The following BLTP1 variants were observed in gnomAD, a reference collection of about 807,000 sequenced individuals.
BLTP1 encodes the protein fragile site-associated protein.
the BLTP1 span, chr4:122,224,734 C>T: frequency 6.2e-7 from 1 of 1,612,754 alleles, no homozygotes. Context: ...TCTCTACCCA[C>T]CTTCTCAAGA....
chr4:122,152,457 C>T, the BLTP1 span: 2 of 985,588 alleles, frequency 2.0e-6, no homozygotes, highest in Admixed American at 6.1e-5. Flanking sequence ...GTGTGGGCAC[C>T]GGCAGAGCTT....
the BLTP1 span, chr4:122,221,036 C>G: frequency 2.1e-6 from 2 of 965,824 alleles, no homozygotes; most frequent in Non-Finnish European, 2.5e-6. Context: ...AAATGGCTTT[C>G]TGTGGCAACT....
chr4:122,330,013 A>G, the BLTP1 span, among the ~76,000 whole-genome samples: 1 of 151,806 alleles, frequency 6.6e-6, no homozygotes, highest in African/African-American at 2.4e-5. Context: ...TTCATGTAGC[A>G]TAATGTCCTC....
the BLTP1 span, chr4:122,231,767 A>C: frequency 3.1e-6 from 3 of 974,764 alleles, no homozygotes; most frequent in Non-Finnish European, 3.7e-6. Flanking sequence ...ATAAATCGAC[A>C]TATTCATTTC....
chr4:122,243,115 A>T, the BLTP1 span: 1 of 1,550,428 alleles, frequency 6.4e-7, no homozygotes, highest in Non-Finnish European at 8.9e-7. Flanking sequence ...TGATTATGAG[A>T]TGGGTAGAGT....
At chr4:122,353,912 A>T in the BLTP1 span, 2 of 1,613,998 alleles carry the variant, frequency 1.2e-6, no homozygotes, top group Non-Finnish European at 1.7e-6. The surrounding 1 kb of genome is among the most constrained non-coding windows in gnomAD (Gnocchi z 4.3). Flanking sequence ...GGAAAGTCCT[A>T]TGGCAACAAT....
the BLTP1 span, chr4:122,174,168 G>A: frequency 3.1e-6 from 3 of 983,340 alleles, no homozygotes; most frequent in East Asian, 1.1e-4. Flanking sequence ...CCTTTTAGTC[G>A]ACATAAAACT....
the BLTP1 span, among the ~76,000 whole-genome samples, chr4:122,213,848 A>T: frequency 2.0e-5 from 3 of 152,160 alleles, no homozygotes; most frequent in African/African-American, 7.2e-5. Flanking sequence ...TCTGTTGTGG[A>T]TATAAGGTTG....
chr4:122,265,927 C>G, the BLTP1 span, among the ~76,000 whole-genome samples: 1 of 152,164 alleles, frequency 6.6e-6, no homozygotes, highest in Non-Finnish European at 1.5e-5. Flanking sequence ...TCGATCTGAC[C>G]TCGTGATCCA....
chr4:122,243,150 T>C, the BLTP1 span: 12 of 1,343,034 alleles, frequency 8.9e-6, no homozygotes, highest in Middle Eastern at 2.0e-4. Context: ...AATCATTCTT[T>C]ATTTGAGTAT....
the BLTP1 span, chr4:122,281,580 A>C: frequency 6.2e-7 from 1 of 1,612,220 alleles, no homozygotes; most frequent in Non-Finnish European, 8.5e-7. Context: ...CTACCTTCTG[A>C]AAAAACCCCA....
At chr4:122,287,627 T>C in the BLTP1 span, 48 of 984,946 alleles carry the variant, frequency 4.9e-5, no homozygotes, top group South Asian at 2.0e-3. Flanking sequence ...TTGTTCTCCA[T>C]AACCTGAAGC....
At chr4:122,280,690 G>A in the BLTP1 span, among the ~76,000 whole-genome samples, 1 of 147,558 alleles carries the variant, frequency 6.8e-6, no homozygotes, top group African/African-American at 2.5e-5. Flanking sequence ...AAACAACCAT[G>A]TAAAAGGTTA....
At chr4:122,307,746 T>C in the BLTP1 span, 2 of 985,202 alleles carry the variant, frequency 2.0e-6, no homozygotes, top group Non-Finnish European at 2.4e-6. Context: ...TGTGGTTGCC[T>C]GCTTTCTGTT....
the BLTP1 span, chr4:122,235,085 A>G: frequency 4.3e-5 from 58 of 1,360,080 alleles, no homozygotes; most frequent in Non-Finnish European, 5.5e-5. Context: ...TGCCATTTTG[A>G]GAGAAATTCA....
the BLTP1 span, chr4:122,261,609 C>T: frequency 4.1e-6 from 4 of 983,014 alleles, no homozygotes; most frequent in African/African-American, 7.0e-5. Context: ...AATCTTAACA[C>T]ACCTTGATTA....
At chr4:122,269,437 G>C in the BLTP1 span, 1 of 985,260 alleles carries the variant, frequency 1.0e-6, no homozygotes, top group African/African-American at 1.7e-5. Context: ...GTTTGGTCTA[G>C]CTGAACTTGA....
the BLTP1 span, among the ~76,000 whole-genome samples, chr4:122,195,927 C>T: frequency 6.6e-6 from 1 of 152,224 alleles, no homozygotes; most frequent in Admixed American, 6.5e-5. Flanking sequence ...TAGACTGGCA[C>T]CTTCTTTGAA....
chr4:122,257,220 T>C, the BLTP1 span: 1 of 1,596,616 alleles, frequency 6.3e-7, no homozygotes, highest in Non-Finnish European at 8.6e-7. Context: ...TATTATTACA[T>C]TAGATTACTT....
Sources: gnomAD v4.1 joint callset for allele counts (sites outside exome capture counted in the v4.1 genomes callset) on GRCh38, gnomAD v4.1.1 for gene constraint, Gnocchi (gnomAD v3.1) non-coding constraint, MANE v1.5 for transcripts, NCBI Gene and HGNC (gene_info 2026-07-23, HGNC 2026-07-21) for gene names.